The following LIN9 variants were observed in gnomAD, a reference collection of about 807,000 sequenced individuals.
LIN9 encodes the protein protein lin-9 homolog.
LIN9 carries 18 observed loss-of-function variants against 78.0 expected under a neutral mutation model. The observed-to-expected ratio is 0.23, with a 90% CI of 0.16 to 0.34. LIN9 has a LOEUF of 0.34. LIN9 is among the 10% of genes least tolerant of loss of function. The probability of loss-of-function intolerance (pLI) is 1.00; values close to 1 mark genes in which losing one functional copy is unlikely to be tolerated. For missense variants in LIN9, 451 were observed against 644.1 expected (o/e 0.70, Z 3.25); for synonymous variants, 192 against 215.2 (o/e 0.89, Z 0.94).
At chr1:226,235,176 G>A (rs533987494) in intron 12 of LIN9, among the ~76,000 whole-genome samples, 39 of 151,794 alleles carry the variant, frequency 2.6e-4, no homozygotes, top group African/African-American at 8.7e-4. Context: ...ATAAAAATTA[G>A]CTGGGCATGG....
intron 11 of LIN9, among the ~76,000 whole-genome samples, chr1:226,246,913 T>TA (rs1332010183): frequency 3.9e-5 from 6 of 152,132 alleles, no homozygotes; most frequent in Non-Finnish European, 7.4e-5. Context: ...GGAACGCCTT[T>TA]AGTCATTATC....
intron 10 of LIN9, among the ~76,000 whole-genome samples, chr1:226,254,092 T>C (rs1303500914): frequency 1.3e-5 from 2 of 152,060 alleles, no homozygotes; most frequent in Non-Finnish European, 2.9e-5. Flanking sequence ...TCACCACACC[T>C]GGCTAATTTT....
rs1491059806 is a variant in LIN9, at chr1:226,275,691, CAG to C, written c.682+2082_682+2083del. On this transcript the variant is annotated intron_variant, in intron 7 of 14. Transcript: ENST00000681046. ...CTGGCAACAGAGCAAGACTCCGTCT[CAG>C]AAAAAAAAAAAAAAAAAAAGAAAAA... is the stretch of plus-strand genomic sequence containing the variant. 2.3e-4 allele frequency among the ~76,000 whole-genome samples: 10 copies of C among 43,424 alleles called. 1 individual carries two copies. Among genetic ancestry groups the C allele is most frequent in the South Asian group, 7.6e-4 (1 of 1,316 alleles). The allele number at this position is 43,424 out of a possible 152,430, so 28.5% of individuals were successfully genotyped here.
rs1038374638 is a variant in LIN9, at chr1:226,265,172, A to G, written c.1038+361T>C. 2.0e-5 allele frequency among the ~76,000 whole-genome samples: 3 copies of G among 152,218 alleles called. No individual in the cohort carries two copies. Among genetic ancestry groups the G allele is most frequent in the African/African-American group, 7.2e-5 (3 of 41,458 alleles). On this transcript the variant is annotated intron_variant, in intron 10 of 14. Transcript: ENST00000681046. This position sits in a 1 kb window ranked among gnomAD's most constrained non-coding sequence, Gnocchi z 4.1. ...AACCATATAAGCTAGCCAGGACATC[A>G]TAACTGTTGAACTGACTGATGATGG...
At chr1:226,300,019 A>G (rs1288893577) in intron 2 of LIN9, among the ~76,000 whole-genome samples, 3 of 151,766 alleles carry the variant, frequency 2.0e-5, no homozygotes, top group Non-Finnish European at 4.4e-5. Flanking sequence ...GCTTACGGCA[A>G]TCTCTGCCTC....
intron 7 of LIN9, among the ~76,000 whole-genome samples, chr1:226,272,728 T>C (rs1383243710): frequency 6.6e-6 from 1 of 151,966 alleles, no homozygotes; most frequent in Non-Finnish European, 1.5e-5. Context: ...ATTCCCATTA[T>C]CTCAAGTAGC....
chr1:226,305,341 A>AAC (rs1662843366), intron 1 of LIN9, among the ~76,000 whole-genome samples: 1 of 147,882 alleles, frequency 6.8e-6, no homozygotes, highest in Non-Finnish European at 1.5e-5. Flanking sequence ...AAAAAAAAAA[A>AAC]CCTTAGTTGG....
At chr1:226,296,881 G>A (rs149215292) in intron 3 of LIN9, among the ~76,000 whole-genome samples, 2 of 152,224 alleles carry the variant, frequency 1.3e-5, no homozygotes, top group African/African-American at 4.8e-5. Flanking sequence ...TTTATTAGCT[G>A]GGCGTGGTGG....
At chr1:226,253,444 C>G (rs1002725401) in intron 10 of LIN9, among the ~76,000 whole-genome samples, 24 of 151,488 alleles carry the variant, frequency 1.6e-4, no homozygotes, top group Admixed American at 1.5e-3. Flanking sequence ...CAGGCTCGCA[C>G]CACCACGCCT....
intron 4 of LIN9, among the ~76,000 whole-genome samples, chr1:226,288,120 C>T (rs1028472966): frequency 7.2e-5 from 11 of 152,168 alleles, no homozygotes; most frequent in African/African-American, 2.2e-4. Flanking sequence ...TACAGGCGCA[C>T]GCCACCACAC....
intron 6 of LIN9, among the ~76,000 whole-genome samples, chr1:226,280,779 C>T (rs974201177): frequency 6.6e-6 from 1 of 151,956 alleles, no homozygotes; most frequent in African/African-American, 2.4e-5. Flanking sequence ...ATCTCAAAAA[C>T]AAACACATAA....
intron 11 of LIN9, among the ~76,000 whole-genome samples, chr1:226,244,346 C>T (rs535531228): frequency 1.3e-5 from 2 of 152,004 alleles, no homozygotes; most frequent in Non-Finnish European, 2.9e-5. Flanking sequence ...GCAGGAGAAT[C>T]GCTTGAACCT....
chr1:226,255,571 A>G (rs1180355494), intron 10 of LIN9, among the ~76,000 whole-genome samples: 2 of 152,200 alleles, frequency 1.3e-5, no homozygotes, highest in African/African-American at 4.8e-5. Flanking sequence ...TAGTTTGAAG[A>G]GACAAAGCAA....
At chr1:226,262,379 A>G (rs1468041703) in intron 10 of LIN9, among the ~76,000 whole-genome samples, 1 of 152,226 alleles carries the variant, frequency 6.6e-6, no homozygotes, top group Non-Finnish European at 1.5e-5. Context: ...TAAAATATAC[A>G]TCCGATAAGG....
At chr1:226,286,016 T>C (rs1044925497) in intron 6 of LIN9, among the ~76,000 whole-genome samples, 2 of 152,224 alleles carry the variant, frequency 1.3e-5, no homozygotes, top group Non-Finnish European at 2.9e-5. Context: ...ATATTTAACA[T>C]ATAATCAATT....
chr1:226,301,113 G>T, intron 2 of LIN9, 60 bp downstream of exon 2: 1 of 1,282,756 alleles, frequency 7.8e-7, no homozygotes, highest in Non-Finnish European at 1.1e-6. Context: ...ACTATATCCA[G>T]ATTAATTTAA....
At chr1:226,302,419 T>G (rs576716093) in intron 1 of LIN9, among the ~76,000 whole-genome samples, 1 of 152,090 alleles carries the variant, frequency 6.6e-6, no homozygotes, top group Non-Finnish European at 1.5e-5. Flanking sequence ...GGCGAGCACC[T>G]GTAGTCCCAG....
At chr1:226,264,514 A>C (rs1401808211) in intron 10 of LIN9, among the ~76,000 whole-genome samples, 1 of 152,192 alleles carries the variant, frequency 6.6e-6, no homozygotes, top group African/African-American at 2.4e-5. Context: ...AACACTGTGA[A>C]TATTTTCATG....
At chr1:226,302,735 CG>C (rs754424435) in intron 1 of LIN9, among the ~76,000 whole-genome samples, 9 of 152,228 alleles carry the variant, frequency 5.9e-5, no homozygotes, top group Non-Finnish European at 1.2e-4. Context: ...TCAGAGAGGA[CG>C]GATTAATCCT....
Sources: gnomAD v4.1 joint callset for allele counts (sites outside exome capture counted in the v4.1 genomes callset) on GRCh38, gnomAD v4.1.1 for gene constraint, Gnocchi (gnomAD v3.1) non-coding constraint, MANE v1.5 for transcripts, NCBI Gene and HGNC (gene_info 2026-07-23, HGNC 2026-07-21) for gene names.